Variants in CHN2 observed in about 807,000 individuals in gnomAD.
The protein encoded by CHN2 is beta-chimaerin.
In CHN2, 35 loss-of-function variants were observed where a neutral mutation model predicts 56.3. The ratio of observed to expected loss-of-function variants is 0.62; its 90% CI spans 0.47 to 0.82. The LOEUF (loss-of-function observed/expected upper bound fraction) is 0.82, where lower values mean the gene tolerates loss of function less well. Among genes scored for constraint, CHN2 ranks in the 40% least tolerant of loss-of-function variants. The pLI, the probability that CHN2 is intolerant of heterozygous loss-of-function variation, is 0.00. For synonymous variants in CHN2, 210 were observed against 212.8 expected (o/e 0.99, Z 0.12); for missense variants, 491 against 580.5 (o/e 0.85, Z 1.58).
At chr7:29,233,286 G>A (rs1283692307) in intron 1 of CHN2, among the ~76,000 whole-genome samples, 1 of 152,208 alleles carries the variant, frequency 6.6e-6, no homozygotes, top group African/African-American at 2.4e-5. Flanking sequence ...TGCCTAGAAT[G>A]GAGTGGCACA....
intron 5 of CHN2, 130 bp downstream of exon 5, chr7:29,398,616 G>A (rs1434892754): frequency 5.0e-6 from 3 of 595,874 alleles, no homozygotes; most frequent in Non-Finnish European, 8.8e-6. Context: ...TATGTTATGA[G>A]GGGGGGGTCC....
intron 2 of CHN2, among the ~76,000 whole-genome samples, chr7:29,174,140 G>C (rs245910): frequency 0.67 from 102,143 of 151,776 alleles, 35,369 homozygotes; most frequent in East Asian, 0.99. Context: ...AGACCCCCCC[G>C]TTTGGTGGCA....
chr7:29,352,048 C>A (rs2128923492), intron 1 of CHN2, among the ~76,000 whole-genome samples: 1 of 152,268 alleles, frequency 6.6e-6, no homozygotes, highest in Non-Finnish European at 1.5e-5. Context: ...CACAGAACAA[C>A]AAGACTGAAA....
chr7:29,500,917 C>G (rs1050646918), intron 9 of CHN2, among the ~76,000 whole-genome samples: 4 of 152,092 alleles, frequency 2.6e-5, no homozygotes, highest in Admixed American at 1.3e-4. Context: ...TTTATTTGTG[C>G]TTTCTTTGGC....
rs528221492 is a variant in CHN2, at chr7:29,504,666, T to A, written c.914-78T>A. On this transcript the variant is annotated intron_variant, in intron 9 of 12. Transcript: ENST00000222792. ...GCTCATTTTCTGATAGCATGTAGTA[T>A]AGACGTGAAATTAGTCTTTTTTTTT... The A allele has an allele frequency of 4.3e-6, 4 of 924,188 alleles. No individual in the cohort carries two copies. In the Admixed American group the frequency reaches 8.2e-5, roughly 19 times the overall value. 57.2% of individuals were successfully genotyped at this position (924,188 alleles called of 1,614,324 possible).
Position 29,499,764 on chromosome 7 carries a change from T to A in CHN2, c.740-103T>A, listed in dbSNP as rs532312081. The A allele has an allele frequency of 2.3e-4, 247 of 1,086,610 alleles. 6 individuals are homozygous for A. The South Asian group carries it at 4.5e-3, about 20-fold the overall frequency. 67.3% of individuals were successfully genotyped at this position (1,086,610 alleles called of 1,614,324 possible). On this transcript the variant is annotated intron_variant, in intron 8 of 12. Transcript: ENST00000222792. ...GGGATAGATGTTCCAGAGAAATATGTCAAACCCTTGGGTGGTGATATTTTT... is the reference window on the plus strand; with the variant it reads ...GGGATAGATGTTCCAGAGAAATATGACAAACCCTTGGGTGGTGATATTTTT...
chr7:29,441,652 A>G (rs536985877), intron 6 of CHN2, among the ~76,000 whole-genome samples: 11 of 152,374 alleles, frequency 7.2e-5, no homozygotes, highest in Admixed American at 3.9e-4. Flanking sequence ...AAGAAAATAC[A>G]CAAATGGCCA....
intron 1 of CHN2, among the ~76,000 whole-genome samples, chr7:29,276,682 C>T (rs560284206): frequency 6.6e-6 from 1 of 152,312 alleles, no homozygotes; most frequent in South Asian, 2.1e-4. Context: ...TCATCATTAG[C>T]ATTATAATTA....
chr7:29,457,797 G>A (rs1784877820), intron 6 of CHN2, among the ~76,000 whole-genome samples: 1 of 152,150 alleles, frequency 6.6e-6, no homozygotes, highest in Non-Finnish European at 1.5e-5. Context: ...CAGTGCGTGG[G>A]AAGTCAGCTG....
At chr7:29,487,420 T>C (rs1205818652) in intron 7 of CHN2, among the ~76,000 whole-genome samples, 1 of 152,196 alleles carries the variant, frequency 6.6e-6, no homozygotes, top group East Asian at 1.9e-4. Flanking sequence ...CAGAGTGCTA[T>C]GAAGAGGAGT....
intron 2 of CHN2, among the ~76,000 whole-genome samples, chr7:29,365,185 C>T (rs1420034059): frequency 1.3e-5 from 2 of 152,202 alleles, no homozygotes; most frequent in Admixed American, 6.5e-5. Flanking sequence ...AAGATGATCC[C>T]TGCCAGCCCT....
In CHN2 at chr7:29,509,278, C is replaced by T. The variant is rs1425971040; in HGVS notation, c.1130-23C>T. 8 of 1,560,218 alleles carry T rather than the reference C, an allele frequency of 5.1e-6. No individual in the cohort carries two copies. In the Admixed American group the frequency reaches 1.0e-4, roughly 20 times the overall value. ...TTGAATGCCACACTCTGAACTAATA[C>T]CCATCATGCGTGAACTTCACAGAAA... On this transcript the variant is annotated intron_variant, in intron 11 of 12. Transcript: ENST00000222792.
intron 1 of CHN2, among the ~76,000 whole-genome samples, chr7:29,236,615 C>T (rs1428794678): frequency 6.6e-6 from 1 of 152,230 alleles, no homozygotes; most frequent in Non-Finnish European, 1.5e-5. Flanking sequence ...GGAGTGAGAT[C>T]AGAGACATGT....
At chr7:29,372,469 T>G (rs112107833) in intron 3 of CHN2, among the ~76,000 whole-genome samples, 90 of 152,342 alleles carry the variant, frequency 5.9e-4, no homozygotes, top group African/African-American at 2.1e-3. Context: ...CATATTTGAT[T>G]GTTGCTTGTA....
Position 29,445,238 on chromosome 7 carries a change from A to T in CHN2, c.577-35041A>T, listed in dbSNP as rs537609864. ...AGCTAGATTCTTATTGGGAACACTG[A>T]GAACCCTACCTCCTAGCCAGACTTA... On this transcript the variant is annotated intron_variant, in intron 6 of 12. Coordinates refer to ENST00000222792, the MANE Select transcript of CHN2 (RefSeq NM_004067.4). The T allele has an allele frequency of 1.2e-4, 54 of 450,266 alleles. No individual in the cohort carries two copies. In the East Asian group the frequency reaches 1.5e-3, roughly 12 times the overall value. 27.9% of individuals were successfully genotyped at this position (450,266 alleles called of 1,614,324 possible). A position where few individuals can be genotyped will look rare whatever the true frequency, so the allele number is the denominator to read the frequency against.
chr7:29,494,948 T>TG (rs1204442100), intron 7 of CHN2, among the ~76,000 whole-genome samples: 1,788 of 59,224 alleles, frequency 0.03, 54 homozygotes, highest in African/African-American at 0.08. Context: ...AAAAGCAGTT[T>TG]GTAAAAAAAA....
intron 2 of CHN2, among the ~76,000 whole-genome samples, chr7:29,170,471 T>C (rs772216352): frequency 3.9e-5 from 6 of 152,240 alleles, no homozygotes; most frequent in Non-Finnish European, 8.8e-5. Flanking sequence ...CCATTATTCA[T>C]ATTTTCTCCA....
chr7:29,321,534 C>A (rs1179986285), intron 1 of CHN2, among the ~76,000 whole-genome samples: 1 of 151,288 alleles, frequency 6.6e-6, no homozygotes, highest in East Asian at 1.9e-4. Flanking sequence ...AGGGACAGTG[C>A]TTGAACCGTC....
intron 2 of CHN2, among the ~76,000 whole-genome samples, chr7:29,157,276 A>G (rs191730757): frequency 1.2e-3 from 177 of 148,662 alleles, no homozygotes; most frequent in African/African-American, 4.3e-3. Context: ...TGCTACACCC[A>G]TTGGAACCTG....
Sources: gnomAD v4.1 joint callset for allele counts (sites outside exome capture counted in the v4.1 genomes callset) on GRCh38, gnomAD v4.1.1 for gene constraint, MANE v1.5 for transcripts, NCBI Gene and HGNC (gene_info 2026-07-23, HGNC 2026-07-21) for gene names.